Variants in LSP1 observed in about 807,000 individuals in gnomAD.
The protein encoded by LSP1 is lymphocyte specific protein 1.
In LSP1, 32 loss-of-function variants were observed where a neutral mutation model predicts 49.3. That is an observed-to-expected ratio of 0.65 (90% CI 0.49 to 0.87). The LOEUF is 0.87. Ranked by LOEUF, LSP1 falls within the 40% of genes least tolerant of loss-of-function variation. The probability of loss-of-function intolerance (pLI) is 0.00; values close to 1 mark genes in which losing one functional copy is unlikely to be tolerated. For missense variants in LSP1, 428 were observed against 442.6 expected (o/e 0.97, Z 0.30); for synonymous variants, 179 against 178.8 (o/e 1.00, Z -0.01).
At chr11:1,865,621 A>G (rs1402208223) in intron 1 of LSP1, among the ~76,000 whole-genome samples, 2 of 128,812 alleles carry the variant, frequency 1.6e-5, no homozygotes, top group South Asian at 3.1e-4. Context: ...CATTCACACC[A>G]TCCCACCTGC....
intron 2 of LSP1, 122 bp downstream of exon 2, chr11:1,880,346 G>A (rs1848488109): frequency 8.2e-7 from 1 of 1,224,790 alleles, no homozygotes; most frequent in Non-Finnish European, 1.1e-6. Flanking sequence ...GAGCGAGGAA[G>A]GGCCCCCAGG....
chr11:1,870,683 T>C (rs1465442982), intron 1 of LSP1: 7 of 1,049,628 alleles, frequency 6.7e-6, no homozygotes, highest in Non-Finnish European at 8.1e-6. Flanking sequence ...GTCTGAATAA[T>C]GTATGAAGCC....
At chr11:1,865,732 G>C (rs1233235907) in intron 1 of LSP1, among the ~76,000 whole-genome samples, 1 of 151,580 alleles carries the variant, frequency 6.6e-6, no homozygotes, top group African/African-American at 2.4e-5. Context: ...GATTCTGCTT[G>C]ACTCTGAGCC....
Position 1,886,879 on chromosome 11 carries a change from C to T in LSP1, c.852+13C>T, listed in dbSNP as rs1471735257. 6.2e-7 allele frequency: 1 copy of T among 1,608,554 alleles called. No individual in the cohort carries two copies. Among genetic ancestry groups the T allele is most frequent in the South Asian group, 1.1e-5 (1 of 90,602 alleles). Reference sequence around the variant, plus strand: ...TCCGTCCTGCAAGGTAAGGTCCCCTCCAGGGGCAAGGCTGGGCTGCAGAGC... The same window carrying T: ...TCCGTCCTGCAAGGTAAGGTCCCCTTCAGGGGCAAGGCTGGGCTGCAGAGC... On this transcript the variant is annotated intron_variant, in intron 8 of 10. Transcript: ENST00000311604.
chr11:1,854,388 G>A (rs535861582), intron 1 of LSP1, among the ~76,000 whole-genome samples: 4 of 152,110 alleles, frequency 2.6e-5, no homozygotes, highest in South Asian at 2.1e-4. Flanking sequence ...CGGTCTACCC[G>A]ACCCGGGGCG....
intron 10 of LSP1, chr11:1,889,838 C>T: frequency 1.6e-6 from 1 of 634,402 alleles, no homozygotes; most frequent in South Asian, 1.8e-5. Context: ...CGGGTGGCGG[C>T]CGTGGTACAG....
chr11:1,870,241 T>C lies in LSP1; in HGVS notation c.54-9846T>C, dbSNP rs1028235085. The C allele has an allele frequency of 6.2e-6, 8 of 1,296,936 alleles. No homozygotes were observed. The African/African-American group carries it at 1.1e-4, about 17-fold the overall frequency. The allele number at this position is 1,296,936 out of a possible 1,614,324, so 80.3% of individuals were successfully genotyped here. ...TCCCACGGCCCACTGAAGCTGGTCC[T>C]TCATACCCCATTTTGCAAACAGGAA... On this transcript the variant is annotated intron_variant, in intron 1 of 10. Coordinates refer to ENST00000311604, the MANE Select transcript of LSP1 (RefSeq NM_002339.3).
At chr11:1,883,695 A>T in intron 4 of LSP1, 135 bp downstream of exon 4, 1 of 1,170,514 alleles carries the variant, frequency 8.5e-7, no homozygotes, top group Non-Finnish European at 1.2e-6. Flanking sequence ...TAGACCTTGC[A>T]GCCCCTTCTG....
At chr11:1,864,228 G>A (rs933483682) in intron 1 of LSP1, 1 of 987,780 alleles carries the variant, frequency 1.0e-6, no homozygotes, top group Non-Finnish European at 1.2e-6. Flanking sequence ...CCAGGCCTGC[G>A]ATGATGGTGA....
chr11:1,853,167 C>T lies in LSP1; in HGVS notation c.23C>T (p.Pro8Leu), dbSNP rs146468121. 2.6e-5 allele frequency: 42 copies of T among 1,611,426 alleles called. No homozygotes were observed. Among genetic ancestry groups the T allele is most frequent in the African/African-American group, 1.9e-4 (14 of 74,914 alleles). The change falls in exon 1 of 11, where the codon CCG (proline) becomes CTG (leucine). Residue 8 changes from proline to leucine, a missense_variant. Physicochemically the swap from Pro to Leu is moderately conservative, Grantham distance 98. Coordinates refer to ENST00000311604, the MANE Select transcript of LSP1 (RefSeq NM_002339.3). ...CTGATGGCGGAGGCTTCGAGTGACC[C>T]GGGTGCCGAGGAGCGGGAAGAGTTG... MAEASSD[P>L]GAEEREELLG...
Position 1,883,916 on chromosome 11 carries a change from GTT to G in LSP1, c.499-6_499-5del, listed in dbSNP as rs201258993. The G allele has an allele frequency of 1.5e-5, 20 of 1,324,518 alleles. No individual in the cohort carries two copies. The highest frequency in any genetic ancestry group is 1.1e-4 in the South Asian group (8 of 75,946). 82.0% of individuals were successfully genotyped at this position (1,324,518 alleles called of 1,614,324 possible). A position where few individuals can be genotyped will look rare whatever the true frequency, so the allele number is the denominator to read the frequency against. ...AAGCAGGGGGTCACTTGGGATGTCT[GTT>G]TTTTTTTTTCTAGCACCAGAAATGT... On this transcript the variant is annotated splice_polypyrimidine_tract_variant and intron_variant, in intron 4 of 10. Coordinates refer to ENST00000311604, the MANE Select transcript of LSP1 (RefSeq NM_002339.3).
chr11:1,870,220 A>G lies in LSP1; in HGVS notation c.54-9867A>G, dbSNP rs570778453. ...CATCCCAAGGCCATGTGAGTCTCCC[A>G]CGGCCCACTGAAGCTGGTCCTTCAT... On this transcript the variant is annotated intron_variant, in intron 1 of 10. Transcript: ENST00000311604. The G allele has an allele frequency of 1.4e-4, 170 of 1,246,458 alleles. No homozygotes were observed. The African/African-American group carries it at 2.1e-3, about 16-fold the overall frequency. 77.2% of individuals were successfully genotyped at this position (1,246,458 alleles called of 1,614,324 possible).
At position 1,885,535 on chromosome 11, in the gene LSP1, A is replaced by T. The variant is rs575277250; in HGVS notation, c.717+954A>T. Among the ~76,000 whole-genome samples the T allele has an allele frequency of 6.7e-5, 10 of 149,122 alleles. No homozygotes were observed. The East Asian group carries it at 1.6e-3, about 24-fold the overall frequency. On this transcript the variant is annotated intron_variant, in intron 7 of 10. Transcript: ENST00000311604. The stretch of plus-strand genomic sequence containing the variant: ...CCTTGCACCCAATCAATGGCCTTCT[A>T]TCCCATCAATTTCCCTCCATCCAAC...
intron 8 of LSP1, 36 bp from the exon 9 acceptor site, chr11:1,887,201 G>T (rs1359506597): frequency 5.0e-6 from 7 of 1,407,396 alleles, no homozygotes; most frequent in South Asian, 1.2e-5. Flanking sequence ...AGATCCAGGG[G>T]TCTGCCCTTG....
intron 1 of LSP1, among the ~76,000 whole-genome samples, chr11:1,872,932 G>A (rs930226656): frequency 8.6e-5 from 13 of 152,018 alleles, no homozygotes; most frequent in Non-Finnish European, 1.6e-4. Flanking sequence ...TGGAGGAGGC[G>A]ACCCTATCCC....
intron 3 of LSP1, among the ~76,000 whole-genome samples, chr11:1,882,542 C>T (rs566963365): frequency 6.6e-6 from 1 of 152,112 alleles, no homozygotes; most frequent in Non-Finnish European, 1.5e-5. Flanking sequence ...TGGGAGTCAG[C>T]GGCTCTGCTT....
chr11:1,889,405 C>T (rs869444), intron 10 of LSP1: 55,334 of 684,982 alleles, frequency 0.081, 2,562 homozygotes, highest in Middle Eastern at 0.15. Context: ...GTCCGGGAGG[C>T]GGGGGCCCGG....
intron 1 of LSP1, among the ~76,000 whole-genome samples, chr11:1,873,912 G>C (rs1200469230): frequency 3.3e-5 from 4 of 122,738 alleles, no homozygotes; most frequent in East Asian, 2.4e-4. Context: ...GAGGAGGGAG[G>C]CCGGCGGAGG....
intron 7 of LSP1, among the ~76,000 whole-genome samples, chr11:1,886,457 C>T (rs3781961): frequency 0.47 from 72,177 of 152,138 alleles, 17,738 homozygotes; most frequent in East Asian, 0.81. Context: ...ATCCCATGGT[C>T]CCCCAGCCCT....
Sources: allele counts gnomAD v4.1 joint callset (sites outside exome capture counted in the v4.1 genomes callset), GRCh38; gene constraint gnomAD v4.1.1; transcripts MANE v1.5; gene names NCBI Gene and HGNC (gene_info 2026-07-23, HGNC 2026-07-21).